CREBBP: variants seen among roughly 807,000 people sequenced by gnomAD.
CREBBP encodes the protein CREB-binding protein.
Under a neutral mutation model 265.0 loss-of-function variants are expected in CREBBP, and 19 were observed. The ratio of observed to expected loss-of-function variants is 0.07; its 90% confidence interval spans 0.05 to 0.11. The LOEUF (loss-of-function observed/expected upper bound fraction) is 0.11. Among genes scored for constraint, CREBBP ranks in the 10% least tolerant of loss-of-function variants. CREBBP has a pLI of 1.00. For synonymous variants in CREBBP, 1,457 were observed against 1,223.7 expected, an observed-to-expected ratio of 1.19 and a Z score of -3.98; for missense variants, 2,525 against 3,219.0, an observed-to-expected ratio of 0.78 and a Z score of 5.22.
At position 3,727,772 on chromosome 16, in the gene CREBBP, G is replaced by A. The variant is rs372173306; in HGVS notation, c.7275C>T (p.Ser2425=). 1.2e-6 allele frequency: 2 copies of A among 1,614,144 alleles called. No individual in the cohort carries two copies. Among genetic ancestry groups the A allele is most frequent in the Non-Finnish European group, 1.7e-6 (2 of 1,180,020 alleles). ...PSRSALSSEL[S]LVGDTTGDTL... Reference sequence around the variant, plus strand: ...TGTCCCCCGTGGTGTCCCCGACCAGGGACAGTTCGCTGGACAGCGCACTCC... The same window carrying A: ...TGTCCCCCGTGGTGTCCCCGACCAGAGACAGTTCGCTGGACAGCGCACTCC... Residue 2425 remains serine, a synonymous_variant, in exon 31 of 31, where the codon TCC becomes TCT. Transcript: ENST00000262367.
intron 2 of CREBBP, among the ~76,000 whole-genome samples, chr16:3,822,972 G>A (rs751817466): frequency 2.6e-4 from 39 of 152,130 alleles, no homozygotes; most frequent in Non-Finnish European, 5.0e-4. Context: ...ATAAGGAACC[G>A]CTGGTACCAC....
chr16:3,805,629 G>T (rs1485495147), intron 3 of CREBBP, among the ~76,000 whole-genome samples: 2 of 152,188 alleles, frequency 1.3e-5, no homozygotes, highest in African/African-American at 4.8e-5. Context: ...TCACAATCTA[G>T]ACAGGGGACA....
chr16:3,760,393 T>G (rs1383024472), intron 16 of CREBBP, among the ~76,000 whole-genome samples: 3 of 28,382 alleles, frequency 1.1e-4, no homozygotes, highest in East Asian at 3.5e-3. Flanking sequence ...ATGCCCAGGT[T>G]TTTTTTTTTT....
At position 3,850,660 on chromosome 16, in the gene CREBBP, G is replaced by C. The variant is rs201435679; in HGVS notation, c.435C>G (p.Pro145=). 2 of 1,614,186 alleles carry C rather than the reference G, an allele frequency of 1.2e-6. No individual in the cohort carries two copies. Among genetic ancestry groups the C allele is most frequent in the South Asian group, 1.1e-5 (1 of 91,082 alleles). ...KQAASTSGPT[P]AASQALNPQA... is the part of the protein sequence containing the mutation. ...GCGGATTCAGTGCTTGGGAGGCAGC[G>C]GGGGTGGGCCCAGAGGTGCTGGCTG... Residue 145 remains proline, a synonymous_variant, in exon 2 of 31, where the codon CCC becomes CCG. Transcript: ENST00000262367.
chr16:3,760,209 A>G (rs907887958), intron 16 of CREBBP, among the ~76,000 whole-genome samples: 2 of 152,022 alleles, frequency 1.3e-5, no homozygotes, highest in African/African-American at 4.8e-5. Context: ...CTCCTGCCTC[A>G]GCCTCAGGAG....
At chr16:3,739,829 G>T in intron 24 of CREBBP, 105 bp from the exon 25 acceptor site, 1 of 1,518,074 alleles carries the variant, frequency 6.6e-7, no homozygotes, top group Admixed American at 1.7e-5. Flanking sequence ...GATGAGCGGA[G>T]GCATGGCCAC....
Position 3,774,686 on chromosome 16 carries a change from A to G in CREBBP, c.2166T>C (p.Asn722=). Residue 722 remains asparagine (N), a synonymous_variant, in exon 12 of 31, where the codon AAT becomes AAC. Coordinates refer to ENST00000262367, the MANE Select transcript of CREBBP (RefSeq NM_004380.3). ...TCCCCAAGGACATGGGGTTAAATGA[A>G]TTCATCCCTGTAAATGTACCCACAA... ...VNRMQVSQGM[N]SFNPMSLGNV... 1 of 1,614,228 alleles carries G rather than the reference A, an allele frequency of 6.2e-7. No individual in the cohort carries two copies. The highest frequency in any genetic ancestry group is 8.5e-7 in the Non-Finnish European group (1 of 1,180,044).
chr16:3,756,575 A>G (rs1274893291), intron 19 of CREBBP, among the ~76,000 whole-genome samples: 1 of 152,224 alleles, frequency 6.6e-6, no homozygotes, highest in African/African-American at 2.4e-5. Context: ...CCATCTTATA[A>G]TAGGAGGCAA....
chr16:3,873,844 T>G (rs1043406319), intron 1 of CREBBP, among the ~76,000 whole-genome samples: 2 of 152,138 alleles, frequency 1.3e-5, no homozygotes, highest in Non-Finnish European at 2.9e-5. Flanking sequence ...GCAATCTGCT[T>G]GAAAGTAAAA....
chr16:3,740,757 T>C (rs1021770040), intron 23 of CREBBP: 68 of 657,600 alleles, frequency 1.0e-4, no homozygotes, highest in Middle Eastern at 4.0e-4. Flanking sequence ...ACTCCACTCC[T>C]GAAAACCGTT....
chr16:3,728,852 G>C lies in CREBBP; in HGVS notation c.6195C>G (p.Ser2065Arg), dbSNP rs374150949. ...GGGTCCGCAGCAGGTCTTGCAGAGC[G>C]CTGGGTGAGATGCTCCTGGGTGGCT... ...SVQPPRSISPSALQDLLRTLK... is the reference protein window; with the variant it reads ...SVQPPRSISPRALQDLLRTLK... The change falls in exon 31 of 31, where the codon AGC becomes AGG. Residue 2065 changes from serine (S) to arginine (R), a missense_variant. Physicochemically the swap from Ser to Arg is moderately radical, Grantham distance 110. This residue lies in a region of CREBBP where 275 missense variants were observed against 276.5 expected (regional missense o/e 0.99). Coordinates refer to ENST00000262367, the MANE Select transcript of CREBBP (RefSeq NM_004380.3). The surrounding 1 kb of genome is among the most constrained non-coding windows in gnomAD (Gnocchi z 8.7). 2.5e-6 allele frequency: 4 copies of C among 1,613,154 alleles called. No homozygotes were observed. Among genetic ancestry groups the C allele is most frequent in the Non-Finnish European group, 3.4e-6 (4 of 1,179,946 alleles).
intron 5 of CREBBP, chr16:3,791,344 G>C (rs1170751064): frequency 6.4e-6 from 1 of 155,076 alleles, no homozygotes; most frequent in Non-Finnish European, 1.4e-5. Flanking sequence ...GAGGGCTACA[G>C]ACAACCTAGA....
chr16:3,790,769 G>A (rs1407340527), intron 5 of CREBBP, among the ~76,000 whole-genome samples: 1 of 152,196 alleles, frequency 6.6e-6, no homozygotes, highest in Non-Finnish European at 1.5e-5. Flanking sequence ...AAAGGAAGCA[G>A]GGTCAGCGTC....
At chr16:3,861,748 A>G (rs2055079279) in intron 1 of CREBBP, among the ~76,000 whole-genome samples, 1 of 151,710 alleles carries the variant, frequency 6.6e-6, no homozygotes, top group Non-Finnish European at 1.5e-5. Context: ...AGTTCCCAAA[A>G]GACATCTAAC....
rs142823437 is a variant in CREBBP at position 3,725,444 on chromosome 16, G to T, written c.*2274C>A. ...GTGTGGGCTTAGAGCTGCTGCTCTC[G>T]GGCTCTAGCCCCACTTCTTGTTTGA... On this transcript the variant is annotated 3_prime_UTR_variant, in exon 31 of 31. Transcript: ENST00000262367. 2.1e-5 allele frequency: 5 copies of T among 233,070 alleles called. No homozygotes were observed. Among genetic ancestry groups the T allele is most frequent in the Non-Finnish European group, 4.2e-5 (5 of 117,992 alleles). The allele number at this position is 233,070 out of a possible 1,614,324, so 14.4% of individuals were successfully genotyped here.
At position 3,850,686 on chromosome 16, in the gene CREBBP, C is replaced by T. The variant is rs1282017376; in HGVS notation, c.409G>A (p.Ala137Thr). Residue 137 changes from alanine (A) to threonine (T), a missense_variant, in exon 2 of 31, where the codon GCA (alanine) becomes ACA (threonine). By Grantham distance (58) the Ala-to-Thr change is moderately conservative (BLOSUM62 0). Around this residue, in one of 19 missense-constraint regions of CREBBP, gnomAD observed 356 missense variants for 340.4 expected, o/e 1.05. Coordinates refer to ENST00000262367, the MANE Select transcript of CREBBP (RefSeq NM_004380.3). Reference sequence around the variant, plus strand: ...GGGGTGGGCCCAGAGGTGCTGGCTGCCTGTTTAGGCAGGCTGGGGGCTGAA... The same window carrying T: ...GGGGTGGGCCCAGAGGTGCTGGCTGTCTGTTTAGGCAGGCTGGGGGCTGAA... ...DSSAPSLPKQ[A>T]ASTSGPTPAA... 1 of 1,614,136 alleles carries T rather than the reference C, an allele frequency of 6.2e-7. No individual in the cohort carries two copies. The highest frequency in any genetic ancestry group is 1.1e-5 in the South Asian group (1 of 91,080).
intron 2 of CREBBP, among the ~76,000 whole-genome samples, chr16:3,831,280 G>T (rs1359888926): frequency 6.6e-6 from 1 of 152,006 alleles, no homozygotes; most frequent in Non-Finnish European, 1.5e-5. Context: ...ATGGGTCAAA[G>T]AATAAATCAC....
At chr16:3,756,005 T>C (rs968080937) in intron 19 of CREBBP, among the ~76,000 whole-genome samples, 1 of 152,088 alleles carries the variant, frequency 6.6e-6, no homozygotes, top group Non-Finnish European at 1.5e-5. Context: ...ATGGGAGTTA[T>C]TACTTATCTT....
intron 19 of CREBBP, among the ~76,000 whole-genome samples, chr16:3,752,718 C>G (rs1370298640): frequency 1.3e-5 from 2 of 152,148 alleles, no homozygotes; most frequent in Admixed American, 1.3e-4. Flanking sequence ...ATTCATCAAT[C>G]TGAAAGACTT....
Sources: allele counts gnomAD v4.1 joint callset (sites outside exome capture counted in the v4.1 genomes callset), GRCh38; gene constraint gnomAD v4.1.1; regional missense constraint gnomAD v4.1.1; non-coding constraint Gnocchi (gnomAD v3.1); transcripts MANE v1.5; gene names NCBI Gene and HGNC (gene_info 2026-07-23, HGNC 2026-07-21).